DMD: variants seen among roughly 807,000 people sequenced by gnomAD.
The protein encoded by DMD is dystrophin.
A neutral mutation model predicts 330.1 loss-of-function variants in DMD; 63 were observed. The ratio of observed to expected loss-of-function variants is 0.19; its 90% CI spans 0.16 to 0.24. The LOEUF (loss-of-function observed/expected upper bound fraction) is 0.24, where lower values mean the gene tolerates loss of function less well. Ranked by LOEUF, DMD falls within the 10% of genes least tolerant of loss-of-function variation. The pLI is 1.00. For synonymous variants in DMD, 1,223 were observed against 959.8 expected (o/e 1.27, Z -5.07); for missense variants, 3,344 against 2,684.1 (o/e 1.25, Z -5.43).
chrX:32,746,926 C>A (rs2070101458), intron 7 of DMD, among the ~76,000 whole-genome samples: 1 of 111,720 alleles, frequency 9.0e-6, no homozygotes, highest in Admixed American at 9.6e-5. Flanking sequence ...TGAAATCAAA[C>A]TTTTTAGCTC....
intron 60 of DMD, among the ~76,000 whole-genome samples, chrX:31,374,823 A>AAAATAAAT (rs749126843): frequency 9.0e-6 from 1 of 110,846 alleles, no homozygotes; most frequent in African/African-American, 3.3e-5. Context: ...AAAGTATAAT[A>AAAATAAAT]AAATAAATAA....
Position 33,128,383 on chromosome X carries a change from C to T in DMD, c.31+82899G>A, listed in dbSNP as rs879083764. ...CACCTGTTTCTTCCACTCCGGTTGC[C>T]GTGAATAGTGAGGTGTTCTCACAGA... On this transcript the variant is annotated intron_variant, in intron 1 of 78. Transcript: ENST00000357033. 45 of 1,013,327 alleles carry T rather than the reference C, an allele frequency of 4.4e-5. No individual in the cohort carries two copies. The South Asian group carries it at 1.1e-3, about 26-fold the overall frequency. 83.5% of individuals were successfully genotyped at this position (1,013,327 alleles called of 1,213,427 possible).
intron 59 of DMD, among the ~76,000 whole-genome samples, chrX:31,477,183 A>T (rs962809594): frequency 5.4e-5 from 6 of 111,753 alleles, no homozygotes; most frequent in African/African-American, 2.0e-4. Context: ...CATCTCAAAC[A>T]GGGAGGGTTT....
intron 47 of DMD, among the ~76,000 whole-genome samples, chrX:31,892,114 A>G (rs1207871808): frequency 8.9e-6 from 1 of 111,968 alleles, no homozygotes; most frequent in Non-Finnish European, 1.9e-5. Flanking sequence ...CTGAAATTTG[A>G]AACTTGAATA....
chrX:31,511,672 T>C (rs765580635), intron 55 of DMD, among the ~76,000 whole-genome samples: 104 of 109,734 alleles, frequency 9.5e-4, no homozygotes, highest in African/African-American at 3.4e-3. Flanking sequence ...TCATCCTTTT[T>C]TTATGGCTGC....
At chrX:32,120,200 C>G (rs1268185394) in intron 44 of DMD, among the ~76,000 whole-genome samples, 1 of 112,049 alleles carries the variant, frequency 8.9e-6, no homozygotes, top group East Asian at 2.8e-4. Context: ...GAATTCCAAC[C>G]TTTTCATTTG....
At chrX:33,231,340 A>C (rs2148881938) in intron 1 of DMD, among the ~76,000 whole-genome samples, 1 of 112,047 alleles carries the variant, frequency 8.9e-6, no homozygotes, top group Admixed American at 9.5e-5. Flanking sequence ...ATGGAGTGGC[A>C]AACTTTAATC....
In DMD at chrX:31,581,010, G is replaced by A. The variant is rs149685218; in HGVS notation, c.8217+46663C>T. ...TTCACAATGGAATGCTGCTAATTCT[G>A]GAACTGAGTAATGTGGTCATTGCAG... is the stretch of plus-strand genomic sequence containing the variant. On this transcript the variant is annotated intron_variant, in intron 55 of 78. Transcript: ENST00000357033. Among the ~76,000 whole-genome samples, 436 of 112,219 alleles carry A rather than the reference G, an allele frequency of 3.9e-3. 4 individuals are homozygous for A. Among genetic ancestry groups the A allele is most frequent in the African/African-American group, 0.013 (410 of 30,958 alleles).
At chrX:32,263,154 T>G (rs1268575594) in intron 43 of DMD, among the ~76,000 whole-genome samples, 1 of 111,962 alleles carries the variant, frequency 8.9e-6, no homozygotes, top group African/African-American at 3.2e-5. Flanking sequence ...ATTATGAAAA[T>G]GTACATCAGT....
chrX:32,737,930 T>G (rs1454654453), intron 7 of DMD, among the ~76,000 whole-genome samples: 1 of 111,830 alleles, frequency 8.9e-6, no homozygotes, highest in Non-Finnish European at 1.9e-5. Context: ...AAAAGAAATC[T>G]GATTTGATAT....
intron 50 of DMD, among the ~76,000 whole-genome samples, chrX:31,790,344 C>T (rs1214005815): frequency 9.0e-6 from 1 of 111,182 alleles, no homozygotes; most frequent in Non-Finnish European, 1.9e-5. Context: ...ACAATGGGGG[C>T]CTGTGGCTAC....
chrX:31,480,761 T>C (rs941093932), intron 57 of DMD, among the ~76,000 whole-genome samples: 2 of 111,488 alleles, frequency 1.8e-5, no homozygotes, highest in Non-Finnish European at 3.8e-5. Flanking sequence ...AACTACCATG[T>C]GTCAGTGGTT....
intron 63 of DMD, among the ~76,000 whole-genome samples, chrX:31,239,912 C>G (rs1569495024): frequency 8.9e-6 from 1 of 111,834 alleles, no homozygotes; most frequent in Non-Finnish European, 1.9e-5. Flanking sequence ...AGCCAGGTCT[C>G]AGACACTCCC....
At chrX:33,211,717 C>G (rs1392131372), upstream of DMD, among the ~76,000 whole-genome samples, 2 of 112,229 alleles carry the variant, frequency 1.8e-5, no homozygotes, top group Non-Finnish European at 3.8e-5. Flanking sequence ...AAACAATGCT[C>G]AACTGTGTTC....
chrX:32,448,329 A>C (rs935270771), intron 27 of DMD, 127 bp downstream of exon 27: 1 of 717,932 alleles, frequency 1.4e-6, no homozygotes, highest in East Asian at 3.3e-5. Flanking sequence ...CATACAACTT[A>C]TAAGTGCCTG....
chrX:33,321,873 T>A (rs776288657), intron 1 of DMD, among the ~76,000 whole-genome samples: 11 of 112,184 alleles, frequency 9.8e-5, no homozygotes, highest in African/African-American at 3.6e-4. Context: ...TGCACTTTTA[T>A]GTTTGGAGGT....
intron 3 of DMD, among the ~76,000 whole-genome samples, chrX:32,849,178 T>C (rs754434187): frequency 8.9e-6 from 1 of 111,749 alleles, no homozygotes; most frequent in Non-Finnish European, 1.9e-5. Context: ...ATTTGAGTTC[T>C]TTCCCCCCCC....
At chrX:31,407,111 T>C (rs1407475201) in intron 60 of DMD, among the ~76,000 whole-genome samples, 1 of 112,644 alleles carries the variant, frequency 8.9e-6, no homozygotes, top group East Asian at 2.8e-4. Flanking sequence ...GAAAAATGCA[T>C]GAAGTTTCAA....
intron 47 of DMD, among the ~76,000 whole-genome samples, chrX:31,905,402 T>A (rs1180682187): frequency 4.5e-5 from 5 of 111,114 alleles, no homozygotes; most frequent in African/African-American, 1.3e-4. Context: ...AGCAGGCATA[T>A]TTTTCACCAA....
Sources: allele counts gnomAD v4.1 joint callset (sites outside exome capture counted in the v4.1 genomes callset), GRCh38; gene constraint gnomAD v4.1.1; transcripts MANE v1.5; gene names NCBI Gene and HGNC (gene_info 2026-07-23, HGNC 2026-07-21).